MAGI3: variants seen among roughly 807,000 people sequenced by gnomAD.
MAGI3 encodes membrane associated guanylate kinase, WW and PDZ domain containing 3.
Under a neutral mutation model 121.8 loss-of-function variants are expected in MAGI3, and 43 were observed. That is an observed-to-expected ratio of 0.35 (90% CI 0.28 to 0.46). The LOEUF is 0.46. MAGI3 is among the 20% of genes least tolerant of loss of function. The pLI is 1.00. For synonymous variants in MAGI3, 553 were observed against 639.3 expected (o/e 0.86, Z 2.04); for missense variants, 1,547 against 1,797.3 (o/e 0.86, Z 2.52).
At chr1:113,526,319 T>C (rs1260775612) in intron 1 of MAGI3, among the ~76,000 whole-genome samples, 1 of 152,196 alleles carries the variant, frequency 6.6e-6, no homozygotes, top group Non-Finnish European at 1.5e-5. Flanking sequence ...AACTTAGAAC[T>C]GGGAGATTAG....
At chr1:113,604,836 T>TGG (rs1273483998) in intron 6 of MAGI3, among the ~76,000 whole-genome samples, 1 of 151,252 alleles carries the variant, frequency 6.6e-6, no homozygotes, top group East Asian at 1.9e-4. Context: ...GAGGGTCGGA[T>TGG]GGGGGAAGGG....
chr1:113,455,985 C>T (rs747557526), intron 1 of MAGI3, among the ~76,000 whole-genome samples: 24 of 151,696 alleles, frequency 1.6e-4, no homozygotes, highest in Non-Finnish European at 2.4e-4. Flanking sequence ...GAGTCTTGCT[C>T]TGTCGCCCAG....
intron 6 of MAGI3, among the ~76,000 whole-genome samples, chr1:113,604,584 A>G (rs1222037685): frequency 6.7e-6 from 1 of 150,324 alleles, no homozygotes; most frequent in Non-Finnish European, 1.5e-5. Flanking sequence ...AAAAAAAAAA[A>G]AAAAAAAAAA....
At chr1:113,516,802 G>C (rs557124992) in intron 1 of MAGI3, among the ~76,000 whole-genome samples, 96 of 151,996 alleles carry the variant, frequency 6.3e-4, no homozygotes, top group Non-Finnish European at 1.2e-3. Flanking sequence ...TACTACCTTA[G>C]CCAGGTATTT....
At chr1:113,531,723 T>TGA (rs1658732684) in intron 1 of MAGI3, among the ~76,000 whole-genome samples, 1 of 10,186 alleles carries the variant, frequency 9.8e-5, no homozygotes, top group Non-Finnish European at 2.3e-4. Flanking sequence ...GGGGTGGGGG[T>TGA]CGGGTGGGGG....
At chr1:113,468,604 C>T (rs988696452) in intron 1 of MAGI3, among the ~76,000 whole-genome samples, 14 of 152,004 alleles carry the variant, frequency 9.2e-5, no homozygotes, top group African/African-American at 2.2e-4. Flanking sequence ...AGAGTTTTTC[C>T]GGTAGCATCT....
chr1:113,658,283 A>G lies in MAGI3; in HGVS notation c.2630-797A>G, dbSNP rs1402322677. On this transcript the variant is annotated intron_variant, in intron 15 of 20. Transcript: ENST00000307546. This position sits in a 1 kb window ranked among gnomAD's most constrained non-coding sequence, Gnocchi z 4.0. ...TCATTTCAAGCTATAATAATAGCAGAGTATCTTAATAGTTAGTCCAGGAAG... is the reference window on the plus strand; with the variant it reads ...TCATTTCAAGCTATAATAATAGCAGGGTATCTTAATAGTTAGTCCAGGAAG... 6.6e-6 allele frequency among the ~76,000 whole-genome samples: 1 copy of G among 152,246 alleles called. No individual in the cohort carries two copies. The highest frequency in any genetic ancestry group is 1.5e-5 in the Non-Finnish European group (1 of 68,040).
chr1:113,478,978 G>C (rs1655986524), intron 1 of MAGI3, among the ~76,000 whole-genome samples: 1 of 152,140 alleles, frequency 6.6e-6, no homozygotes, highest in Non-Finnish European at 1.5e-5. Context: ...CCCCCAGCCA[G>C]GCTGCAGTCT....
intron 1 of MAGI3, among the ~76,000 whole-genome samples, chr1:113,396,714 G>A (rs1023586091): frequency 6.6e-6 from 1 of 152,138 alleles, no homozygotes; most frequent in Non-Finnish European, 1.5e-5. Context: ...CAAATACTTA[G>A]TGGTGCACCC....
intron 1 of MAGI3, among the ~76,000 whole-genome samples, chr1:113,511,455 A>G (rs568714795): frequency 6.6e-6 from 1 of 152,352 alleles, no homozygotes; most frequent in South Asian, 2.1e-4. Context: ...AAGCTTTCTC[A>G]GCAAGGCAAT....
chr1:113,391,106 C>T lies in MAGI3; in HGVS notation c.73C>T (p.Pro25Ser), dbSNP rs779660934. Residue 25 changes from proline to serine, a missense_variant, in exon 1 of 21, where the codon CCC becomes TCC. By Grantham distance (74) the Pro-to-Ser change is moderately conservative. Transcript: ENST00000307546. The surrounding 1 kb of genome is among the most constrained non-coding windows in gnomAD (Gnocchi z 4.4). ...VQECAVSWAG[P>S]PGDFGAEIRG... The stretch of plus-strand genomic sequence containing the variant: ...GGAGTGCGCCGTGTCCTGGGCCGGG[C>T]CCCCGGGCGACTTCGGCGCGGAGAT... The T allele has an allele frequency of 2.5e-6, 4 of 1,582,064 alleles. No individual in the cohort carries two copies. The highest frequency in any genetic ancestry group is 1.2e-5 in the South Asian group (1 of 86,720).
In MAGI3 at chr1:113,619,831, G is replaced by C; in HGVS notation, c.1171+1G>C. On this transcript the variant is annotated splice_donor_variant, in intron 8 of 20. Coordinates refer to ENST00000307546, the MANE Select transcript of MAGI3 (RefSeq NM_001142782.2). LOFTEE classifies it high-confidence loss of function. The stretch of plus-strand genomic sequence containing the variant: ...GTTGAAATTGGGTCTTCAAAACCAG[G>C]TAAGCATTCTTTTCAATCTTTTCTT... 1 of 1,597,068 alleles carries C rather than the reference G, an allele frequency of 6.3e-7. No individual in the cohort carries two copies. The highest frequency in any genetic ancestry group is 8.6e-7 in the Non-Finnish European group (1 of 1,166,952).
intron 6 of MAGI3, among the ~76,000 whole-genome samples, chr1:113,595,022 TAATA>T (rs1648912061): frequency 6.6e-6 from 1 of 152,202 alleles, no homozygotes. Context: ...GGAAAGTCTT[TAATA>T]TAGGCCCCCA....
Position 113,683,452 on chromosome 1 carries a change from T to C in MAGI3, c.3884T>C (p.Ile1295Thr), listed in dbSNP as rs761098710. 2.5e-6 allele frequency: 4 copies of C among 1,613,682 alleles called. No individual in the cohort carries two copies. Among genetic ancestry groups the C allele is most frequent in the Non-Finnish European group, 3.4e-6 (4 of 1,179,870 alleles). The part of the protein sequence containing the change: ...RSASPKKQQK[I>T]EGSKAPSNAE... ...GCCAGCCCAAAAAAGCAGCAAAAAA[T>C]TGAAGGAAGCAAAGCTCCATCAAAT... The change falls in exon 21 of 21, where the codon ATT (isoleucine) becomes ACT (threonine). Residue 1295 changes from isoleucine to threonine, a missense_variant. Ile to Thr is a moderately conservative substitution (Grantham distance 89). Coordinates refer to ENST00000307546, the MANE Select transcript of MAGI3 (RefSeq NM_001142782.2).
intron 3 of MAGI3, among the ~76,000 whole-genome samples, chr1:113,582,679 G>A (rs1245577401): frequency 6.6e-6 from 1 of 151,912 alleles, no homozygotes; most frequent in African/African-American, 2.4e-5. Context: ...GTATATTCAG[G>A]AGGAAAGACA....
intron 9 of MAGI3, among the ~76,000 whole-genome samples, chr1:113,640,471 A>T (rs545405236): frequency 6.6e-6 from 1 of 152,282 alleles, no homozygotes; most frequent in East Asian, 1.9e-4. Context: ...CAAAGACAGG[A>T]ACCAACCCAA....
intron 11 of MAGI3, among the ~76,000 whole-genome samples, chr1:113,644,102 G>T (rs1216999026): frequency 6.6e-6 from 1 of 152,078 alleles, no homozygotes; most frequent in East Asian, 1.9e-4. Context: ...GAGAAACAAG[G>T]TAGGAAGGAC....
In MAGI3 at chr1:113,660,610, C is replaced by G. The variant is rs1019248377; in HGVS notation, c.2815+1345C>G. On this transcript the variant is annotated intron_variant, in intron 16 of 20. Transcript: ENST00000307546. ...TATTGGTTGACTATGATACTAGATG[C>G]TCAGCATTTTTTTTTTTTTTTTGAG... is the stretch of plus-strand genomic sequence containing the variant. Among the ~76,000 whole-genome samples, 5 of 121,056 alleles carry G rather than the reference C, an allele frequency of 4.1e-5. No individual in the cohort carries two copies. In the East Asian group the frequency reaches 8.0e-4, roughly 19 times the overall value. 79.4% of individuals were successfully genotyped at this position (121,056 alleles called of 152,430 possible).
At chr1:113,672,450 TC>T (rs1003695006) in intron 17 of MAGI3, among the ~76,000 whole-genome samples, 164 bp from the exon 18 acceptor site, 1 of 24,942 alleles carries the variant, frequency 4.0e-5, no homozygotes, top group Non-Finnish European at 7.2e-5. Flanking sequence ...ACCAGGTTTC[TC>T]CTAGCACCCC....
Sources: allele counts gnomAD v4.1 joint callset (sites outside exome capture counted in the v4.1 genomes callset), GRCh38; gene constraint gnomAD v4.1.1; non-coding constraint Gnocchi (gnomAD v3.1); transcripts MANE v1.5; gene names NCBI Gene and HGNC (gene_info 2026-07-23, HGNC 2026-07-21).